The following MICAL2 variants were observed in gnomAD, a reference collection of about 807,000 sequenced individuals.
The protein encoded by MICAL2 is [F-actin]-monooxygenase MICAL2.
MICAL2 carries 77 observed loss-of-function variants against 127.3 expected under a neutral mutation model. That is an observed-to-expected ratio of 0.60 (90% CI 0.50 to 0.73). The LOEUF (loss-of-function observed/expected upper bound fraction) is 0.73, where lower values mean the gene tolerates loss of function less well. Among genes scored for constraint, MICAL2 ranks in the 30% least tolerant of loss-of-function variants. MICAL2 has a pLI of 0.00. For synonymous variants in MICAL2, 570 were observed against 551.1 expected, an observed-to-expected ratio of 1.03 and a Z score of -0.48; for missense variants, 1,351 against 1,434.4, an observed-to-expected ratio of 0.94 and a Z score of 0.94.
chr11:12,194,231 G>A (rs1859579305), intron 3 of MICAL2, among the ~76,000 whole-genome samples: 1 of 152,184 alleles, frequency 6.6e-6, no homozygotes. Context: ...CATCTCTATG[G>A]TGCAATGGTT....
intron 2 of MICAL2, among the ~76,000 whole-genome samples, chr11:12,139,150 T>C (rs887460566): frequency 6.6e-6 from 1 of 152,126 alleles, no homozygotes; most frequent in African/African-American, 2.4e-5. Flanking sequence ...GGCTCACTGG[T>C]GTCCAATGGA....
intron 3 of MICAL2, among the ~76,000 whole-genome samples, chr11:12,202,923 C>T (rs1326569797): frequency 1.3e-5 from 2 of 152,210 alleles, no homozygotes; most frequent in East Asian, 1.9e-4. Context: ...TATCCATTAG[C>T]GGTCATTCCC....
At chr11:12,135,225 ATAT>A (rs1037856192) in intron 1 of MICAL2, among the ~76,000 whole-genome samples, 2 of 152,176 alleles carry the variant, frequency 1.3e-5, no homozygotes, top group African/African-American at 4.8e-5. Flanking sequence ...AATACTAGTA[ATAT>A]TAATAATTAA....
intron 34 of MICAL2, among the ~76,000 whole-genome samples, chr11:12,357,682 C>T (rs1453622242): frequency 6.6e-6 from 1 of 152,028 alleles, no homozygotes; most frequent in Non-Finnish European, 1.5e-5. Context: ...ACTAAAAACA[C>T]AAAAAATTGG....
At chr11:12,186,246 TG>T (rs917146102) in intron 3 of MICAL2, among the ~76,000 whole-genome samples, 1 of 152,180 alleles carries the variant, frequency 6.6e-6, no homozygotes, top group African/African-American at 2.4e-5. Context: ...AGACATGGCT[TG>T]GGGGAGTTTT....
chr11:12,159,732 CTG>C (rs1224262691), intron 2 of MICAL2, among the ~76,000 whole-genome samples: 1 of 152,210 alleles, frequency 6.6e-6, no homozygotes, highest in Non-Finnish European at 1.5e-5. Context: ...TAGATAAAGA[CTG>C]AGAATGTTAA....
At chr11:12,293,772 G>T (rs373898150), downstream of MICAL2, 36 of 1,613,414 alleles carry the variant, frequency 2.2e-5, no homozygotes, top group Non-Finnish European at 2.9e-5. Context: ...TCTGATGAGT[G>T]CCAGCCAGCA....
intron 2 of MICAL2, among the ~76,000 whole-genome samples, chr11:12,146,810 C>A (rs1282550182): frequency 1.3e-5 from 2 of 152,144 alleles, no homozygotes; most frequent in South Asian, 2.1e-4. Flanking sequence ...TGGAACCAAC[C>A]CAAATGTCCA....
chr11:12,122,238 G>A (rs1247075354), intron 1 of MICAL2, among the ~76,000 whole-genome samples: 6 of 152,262 alleles, frequency 3.9e-5, no homozygotes, highest in Non-Finnish European at 7.3e-5. Context: ...GGTAATGGGC[G>A]TAGCACACCT....
chr11:12,139,721 C>A (rs1216049552), intron 2 of MICAL2, among the ~76,000 whole-genome samples: 2 of 152,172 alleles, frequency 1.3e-5, no homozygotes, highest in African/African-American at 4.8e-5. Flanking sequence ...GAGAAACTGT[C>A]CCCTCTCTGG....
chr11:12,272,472 C>T (rs1361971209), upstream of MICAL2, among the ~76,000 whole-genome samples: 2 of 152,166 alleles, frequency 1.3e-5, no homozygotes, highest in Non-Finnish European at 2.9e-5. Flanking sequence ...GCAGGTTCAT[C>T]CCCAAACCCC....
intron 3 of MICAL2, among the ~76,000 whole-genome samples, chr11:12,182,530 C>G (rs756729860): frequency 2.6e-5 from 4 of 152,096 alleles, no homozygotes; most frequent in Non-Finnish European, 5.9e-5. Context: ...TTGTCAGAAA[C>G]GTAAATTCCT....
At chr11:12,213,900 C>G (rs1855826845) in intron 7 of MICAL2, among the ~76,000 whole-genome samples, 2 of 152,160 alleles carry the variant, frequency 1.3e-5, no homozygotes, top group Admixed American at 1.3e-4. Context: ...AGAAGGACAT[C>G]TGGATACGCC....
intron 3 of MICAL2, among the ~76,000 whole-genome samples, chr11:12,202,696 T>G (rs1039377730): frequency 2.6e-5 from 4 of 152,166 alleles, no homozygotes; most frequent in African/African-American, 9.7e-5. Flanking sequence ...GCCTGAGAAT[T>G]CCTAGAAGAC....
At chr11:12,286,203 A>G (rs1565293505) in intron 2 of MICAL2, among the ~76,000 whole-genome samples, 1 of 152,206 alleles carries the variant, frequency 6.6e-6, no homozygotes, top group Non-Finnish European at 1.5e-5. Context: ...GAACCAGGCC[A>G]AGGGAGGGCC....
At chr11:12,118,380 C>T (rs752837982) in intron 1 of MICAL2, among the ~76,000 whole-genome samples, 1 of 152,236 alleles carries the variant, frequency 6.6e-6, no homozygotes, top group Non-Finnish European at 1.5e-5. Context: ...TCCCCAGCCC[C>T]CTGTGGATCC....
chr11:12,134,711 T>C (rs1480376210), intron 1 of MICAL2, among the ~76,000 whole-genome samples: 2 of 152,060 alleles, frequency 1.3e-5, no homozygotes, highest in African/African-American at 4.8e-5. Context: ...TAAGCAAAAA[T>C]GGGATGCATA....
At chr11:12,337,089 T>C (rs187550799) in intron 32 of MICAL2, among the ~76,000 whole-genome samples, 10,831 of 152,222 alleles carry the variant, frequency 0.071, 516 homozygotes, top group Non-Finnish European at 0.1. Flanking sequence ...GTCCTGGACT[T>C]GTTTTGGTTG....
chr11:12,249,379 G>T lies in MICAL2; in HGVS notation c.2847+133G>T, dbSNP rs1052196869. The T allele has an allele frequency of 6.3e-5, 39 of 622,054 alleles. 1 individual carries two copies. Among genetic ancestry groups the T allele is most frequent in the South Asian group, 6.1e-4 (31 of 50,646 alleles). 38.5% of individuals were successfully genotyped at this position (622,054 alleles called of 1,614,324 possible). ...GTGCCTGGCACCAGGGGACGAAGGT[G>T]GGCAGACATGTGCTTGTACTGGGAG... On this transcript the variant is annotated intron_variant, in intron 22 of 27. Coordinates refer to ENST00000683283, the MANE Select transcript of MICAL2 (RefSeq NM_001282663.2).
Sources: allele counts gnomAD v4.1 joint callset (sites outside exome capture counted in the v4.1 genomes callset), GRCh38; gene constraint gnomAD v4.1.1; transcripts MANE v1.5; gene names NCBI Gene and HGNC (gene_info 2026-07-23, HGNC 2026-07-21).